Variants in STXBP6 observed in about 807,000 individuals in gnomAD.
The protein encoded by STXBP6 is syntaxin-binding protein 6.
STXBP6 carries 21 observed loss-of-function variants against 26.9 expected under a neutral mutation model. That is an observed-to-expected ratio of 0.78 (90% CI 0.55 to 1.12). The LOEUF is 1.12. Ranked by LOEUF, STXBP6 falls within the 50% of genes most tolerant of loss-of-function variation. STXBP6 has a pLI of 0.00. For missense variants in STXBP6, 232 were observed against 257.9 expected, an observed-to-expected ratio of 0.90 and a Z score of 0.69; for synonymous variants, 97 against 92.6, an observed-to-expected ratio of 1.05 and a Z score of -0.27.
intron 5 of STXBP6, among the ~76,000 whole-genome samples, chr14:24,815,424 A>C (rs1381577805): frequency 6.6e-6 from 1 of 151,048 alleles, no homozygotes; most frequent in Non-Finnish European, 1.5e-5. Context: ...ATTACTGTTG[A>C]TAAATAATAA....
chr14:24,972,869 C>A (rs2073940087), intron 2 of STXBP6, among the ~76,000 whole-genome samples: 1 of 152,074 alleles, frequency 6.6e-6, no homozygotes, highest in Non-Finnish European at 1.5e-5. Context: ...GTAATCCCAG[C>A]ACTTTGGGAG....
At chr14:25,007,266 G>C (rs183351735) in intron 1 of STXBP6, among the ~76,000 whole-genome samples, 2 of 152,188 alleles carry the variant, frequency 1.3e-5, no homozygotes, top group Non-Finnish European at 2.9e-5. Flanking sequence ...ATGTGTACAC[G>C]TAAGGGCTGT....
chr14:25,019,884 T>TTC (rs1421592373), intron 1 of STXBP6, among the ~76,000 whole-genome samples: 18 of 151,780 alleles, frequency 1.2e-4, no homozygotes, highest in Non-Finnish European at 2.5e-4. Context: ...TTTTTTTTTT[T>TTC]TGGTGAGTCT....
Position 24,987,575 on chromosome 14 carries a change from T to C in STXBP6, c.-32-12725A>G, listed in dbSNP as rs77190628. Among the ~76,000 whole-genome samples the C allele has an allele frequency of 1.8e-3, 268 of 152,382 alleles. 3 individuals carry two copies. The East Asian group carries it at 0.044, about 25-fold the overall frequency. On this transcript the variant is annotated intron_variant, in intron 1 of 5. Coordinates refer to ENST00000323944, the MANE Select transcript of STXBP6 (RefSeq NM_001394410.1). ...ACAGAGTATTTTACAAAGCCTTTCC[T>C]CAAGTGCCATCCTATTTCATCTTCC...
intron 2 of STXBP6, among the ~76,000 whole-genome samples, chr14:24,867,711 A>G (rs2069774460): frequency 6.6e-6 from 1 of 152,228 alleles, no homozygotes; most frequent in African/African-American, 2.4e-5. Context: ...TAAAATTACA[A>G]CACTTTTAGA....
chr14:24,842,312 A>G (rs1322348586), intron 4 of STXBP6, among the ~76,000 whole-genome samples: 1 of 152,158 alleles, frequency 6.6e-6, no homozygotes, highest in Non-Finnish European at 1.5e-5. Flanking sequence ...CTATATCCAC[A>G]CTTTGCATGG....
intron 4 of STXBP6, among the ~76,000 whole-genome samples, chr14:24,832,719 A>G (rs1414234281): frequency 6.6e-6 from 1 of 152,200 alleles, no homozygotes; most frequent in Non-Finnish European, 1.5e-5. Flanking sequence ...GTTAATCCAC[A>G]CTGAATAATT....
At chr14:25,046,121 C>T (rs778886980) in intron 1 of STXBP6, among the ~76,000 whole-genome samples, 33 of 152,048 alleles carry the variant, frequency 2.2e-4, no homozygotes, top group Non-Finnish European at 1.2e-4. Flanking sequence ...TCATAATGAC[C>T]GTCTCACAAC....
intron 2 of STXBP6, among the ~76,000 whole-genome samples, chr14:24,939,807 G>A (rs978247899): frequency 2.6e-5 from 4 of 152,082 alleles, no homozygotes; most frequent in Non-Finnish European, 5.9e-5. Flanking sequence ...TTTTAATACT[G>A]AGTTTTAAAA....
At chr14:24,913,241 C>A (rs2071640152) in intron 2 of STXBP6, among the ~76,000 whole-genome samples, 2 of 152,156 alleles carry the variant, frequency 1.3e-5, no homozygotes, top group Admixed American at 1.3e-4. Context: ...TGCTGAGAAA[C>A]CACAGTCCTG....
chr14:24,853,430 T>A (rs993262832), intron 4 of STXBP6, among the ~76,000 whole-genome samples: 1 of 152,168 alleles, frequency 6.6e-6, no homozygotes, highest in African/African-American at 2.4e-5. Flanking sequence ...TACTACATGC[T>A]TAATTTAAAC....
chr14:25,034,666 T>C (rs565602910), intron 1 of STXBP6, among the ~76,000 whole-genome samples: 1 of 152,232 alleles, frequency 6.6e-6, no homozygotes, highest in South Asian at 2.1e-4. Flanking sequence ...TCTGACTCTG[T>C]AAAACAGGGC....
intron 1 of STXBP6, among the ~76,000 whole-genome samples, chr14:24,995,382 G>C (rs2074576813): frequency 6.6e-6 from 1 of 151,998 alleles, no homozygotes; most frequent in East Asian, 1.9e-4. Context: ...CAGGAACTAT[G>C]TTTATCTTGC....
chr14:24,967,923 G>A (rs981259385), intron 2 of STXBP6, among the ~76,000 whole-genome samples: 6 of 152,018 alleles, frequency 3.9e-5, no homozygotes, highest in Admixed American at 1.3e-4. Context: ...ACATGGCCAT[G>A]GGTCAGGGAC....
chr14:24,882,420 G>A (rs1326223477), intron 2 of STXBP6, among the ~76,000 whole-genome samples: 1 of 109,604 alleles, frequency 9.1e-6, no homozygotes, highest in African/African-American at 3.5e-5. Flanking sequence ...AAAAAGAGGG[G>A]CTTTCCCATA....
intron 2 of STXBP6, among the ~76,000 whole-genome samples, chr14:24,907,670 A>C (rs2071431731): frequency 6.6e-6 from 1 of 152,200 alleles, no homozygotes; most frequent in Non-Finnish European, 1.5e-5. Context: ...TAAGCATTTA[A>C]AAAAATCTTA....
intron 2 of STXBP6, among the ~76,000 whole-genome samples, chr14:24,884,746 T>C (rs2070504616): frequency 6.8e-6 from 1 of 147,308 alleles, no homozygotes; most frequent in South Asian, 2.1e-4. Flanking sequence ...ATCTATAATG[T>C]TTATGAATAC....
At chr14:24,873,804 A>G (rs1356119875) in intron 2 of STXBP6, among the ~76,000 whole-genome samples, 6 of 152,216 alleles carry the variant, frequency 3.9e-5, no homozygotes, top group African/African-American at 1.4e-4. Flanking sequence ...GACGGGAACA[A>G]TGAGGGTGTA....
chr14:24,948,694 G>A (rs1161131370), intron 2 of STXBP6, among the ~76,000 whole-genome samples: 1 of 152,168 alleles, frequency 6.6e-6, no homozygotes, highest in African/African-American at 2.4e-5. Flanking sequence ...ATTAACCAGA[G>A]ACCGCTAGGT....
Sources: allele counts gnomAD v4.1 joint callset (sites outside exome capture counted in the v4.1 genomes callset), GRCh38; gene constraint gnomAD v4.1.1; transcripts MANE v1.5; gene names NCBI Gene and HGNC (gene_info 2026-07-23, HGNC 2026-07-21).